CCDC66: variants seen among roughly 807,000 people sequenced by gnomAD.
CCDC66 encodes the protein coiled-coil domain-containing protein 66.
A neutral mutation model predicts 128.3 loss-of-function variants in CCDC66; 133 were observed. The observed-to-expected ratio is 1.04, with a 90% confidence interval of 0.90 to 1.20. The LOEUF (loss-of-function observed/expected upper bound fraction) is 1.20. CCDC66 is among the 50% of genes most tolerant of loss of function. The pLI, the probability that CCDC66 is intolerant of heterozygous loss-of-function variation, is 0.00. For missense variants in CCDC66, 1,126 were observed against 1,075.5 expected, an observed-to-expected ratio of 1.05 and a Z score of -0.66; for synonymous variants, 387 against 357.0, an observed-to-expected ratio of 1.08 and a Z score of -0.95.
At position 56,619,479 on chromosome 3, in the gene CCDC66, C is replaced by T. The variant is rs1164936809; in HGVS notation, c.2587C>T (p.Pro863Ser). ...GATCTATTACCTTGATCCCGATGCA[C>T]CATTGTCTGGGCCTTCAACCCAGGA... Reference protein sequence around the residue: ...NEIYYLDPDAPLSGPSTQDPQ... With the variant: ...NEIYYLDPDASLSGPSTQDPQ... The change falls in exon 16 of 18, where the codon CCA (proline) becomes TCA (serine). Residue 863 changes from proline (P) to serine (S), a missense_variant. Coordinates refer to ENST00000394672, the MANE Select transcript of CCDC66 (RefSeq NM_001141947.3). 3.1e-6 allele frequency: 5 copies of T among 1,614,040 alleles called. No homozygotes were observed. The South Asian group carries it at 3.3e-5, about 11-fold the overall frequency.
In CCDC66 at chr3:56,617,542, A is replaced by G. The variant is rs777067907; in HGVS notation, c.2274A>G (p.Pro758=). The change falls in exon 14 of 18, where the codon CCA becomes CCG. Residue 758 remains proline, a synonymous_variant. Coordinates refer to ENST00000394672, the MANE Select transcript of CCDC66 (RefSeq NM_001141947.3). ...GHLSQNRGIS[P]EIFHSSHQET... ...TCTCTCAAAACAGAGGCATTTCACC[A>G]GAAATTTTTCATTCATCTCATCAAG... 1.8e-5 allele frequency: 29 copies of G among 1,610,144 alleles called. No individual in the cohort carries two copies. In the South Asian group the frequency reaches 2.1e-4, roughly 12 times the overall value.
chr3:56,592,849 C>T (rs757308177), intron 7 of CCDC66, 121 bp from the exon 8 acceptor site: 11 of 927,376 alleles, frequency 1.2e-5, no homozygotes, highest in Non-Finnish European at 1.8e-5. Context: ...AGTTATTGCT[C>T]CTCTTACAGA....
In CCDC66 at chr3:56,577,163, G is replaced by A. The variant is rs148746764; in HGVS notation, c.936+5861G>A. 4.5e-3 allele frequency among the ~76,000 whole-genome samples: 687 copies of A among 151,920 alleles called. 4 individuals are homozygous for A. The highest frequency in any genetic ancestry group is 3.7e-3 in the Non-Finnish European group (251 of 68,010). On this transcript the variant is annotated intron_variant, in intron 7 of 17. Transcript: ENST00000394672. ...TTGTGGTTTTGATTTGCATTTCTCTGATGGCCAGTGATGATGAGCATTTTT... is the reference window on the plus strand; with the variant it reads ...TTGTGGTTTTGATTTGCATTTCTCTAATGGCCAGTGATGATGAGCATTTTT...
rs771523631 is a variant in CCDC66 at position 56,617,325 on chromosome 3, G to C, written c.2057G>C (p.Arg686Thr). 18 of 1,612,394 alleles carry C rather than the reference G, an allele frequency of 1.1e-5. No individual in the cohort carries two copies. The highest frequency in any genetic ancestry group is 1.4e-5 in the Non-Finnish European group (16 of 1,179,690). ...AATGACCAGTGTAATCAGTTCACAA[G>C]AATAGAGAAACAAACAAAACACATG... is the stretch of plus-strand genomic sequence containing the variant. ...RCNDQCNQFT[R>T]IEKQTKHMKK... Residue 686 changes from arginine to threonine, a missense_variant, in exon 14 of 18, where the codon AGA becomes ACA. Arg to Thr is a moderately conservative substitution (Grantham distance 71, BLOSUM62 -1). Transcript: ENST00000394672.
chr3:56,595,491 A>C (rs572270574), intron 10 of CCDC66, among the ~76,000 whole-genome samples: 1 of 152,314 alleles, frequency 6.6e-6, no homozygotes, highest in East Asian at 1.9e-4. Context: ...GAGTGGGAAC[A>C]TGTGATGTTT....
rs1046934008 is a variant in CCDC66 at position 56,619,418 on chromosome 3, A to G, written c.2526A>G (p.Glu842=). The change falls in exon 16 of 18, where the codon GAA becomes GAG. Residue 842 remains glutamate (E), a synonymous_variant. Coordinates refer to ENST00000394672, the MANE Select transcript of CCDC66 (RefSeq NM_001141947.3). ...CAGAATTATCATCTGGGATTTCTGAATCATCCCATTTTATTCCGTATGTTC... is the reference window on the plus strand; with the variant it reads ...CAGAATTATCATCTGGGATTTCTGAGTCATCCCATTTTATTCCGTATGTTC... ...NQTELSSGIS[E]SSHFIPYVRT... The G allele has an allele frequency of 6.2e-7, 1 of 1,614,030 alleles. No individual in the cohort carries two copies. Among genetic ancestry groups the G allele is most frequent in the Non-Finnish European group, 8.5e-7 (1 of 1,179,934 alleles).
At chr3:56,593,383 C>G in intron 8 of CCDC66, 108 bp from the exon 9 acceptor site, 1 of 1,217,236 alleles carries the variant, frequency 8.2e-7, no homozygotes, top group Non-Finnish European at 1.2e-6. Context: ...TTTTATGATG[C>G]TTATTCTGCT....
intron 3 of CCDC66, chr3:56,561,019 A>T (rs1338499862): frequency 2.2e-6 from 1 of 449,358 alleles, no homozygotes; most frequent in African/African-American, 2.0e-5. Context: ...ATAGGTGAAG[A>T]TGATCAGAAC....
intron 7 of CCDC66, among the ~76,000 whole-genome samples, chr3:56,590,437 G>A (rs1559690095): frequency 2.6e-5 from 4 of 152,154 alleles, no homozygotes; most frequent in Non-Finnish European, 5.9e-5. Flanking sequence ...AACTATTTTA[G>A]GGGAAGGTTG....
intron 11 of CCDC66, 36 bp from the exon 12 acceptor site, chr3:56,615,092 T>C: frequency 1.9e-6 from 3 of 1,599,912 alleles, no homozygotes; most frequent in Non-Finnish European, 2.6e-6. Flanking sequence ...TTTGTATGTT[T>C]AATAGATGAA....
At chr3:56,562,731 TG>T (rs2065256909) in intron 3 of CCDC66, among the ~76,000 whole-genome samples, 1 of 152,004 alleles carries the variant, frequency 6.6e-6, no homozygotes, top group African/African-American at 2.4e-5. Flanking sequence ...CTCTGCCTTC[TG>T]GGTTCAAGCG....
At chr3:56,599,658 G>C (rs1268899791) in intron 10 of CCDC66, among the ~76,000 whole-genome samples, 4 of 151,922 alleles carry the variant, frequency 2.6e-5, no homozygotes, top group Non-Finnish European at 2.9e-5. Context: ...TCAGAAGCAT[G>C]TGGTTTAATT....
chr3:56,560,625 C>T (rs1453597717), intron 3 of CCDC66, among the ~76,000 whole-genome samples: 1 of 152,118 alleles, frequency 6.6e-6, no homozygotes, highest in African/African-American at 2.4e-5. Context: ...GAGGCTGAGG[C>T]AGAAGAATCA....
chr3:56,588,241 G>C (rs960206634), intron 7 of CCDC66, among the ~76,000 whole-genome samples: 2 of 152,250 alleles, frequency 1.3e-5, no homozygotes, highest in African/African-American at 4.8e-5. Flanking sequence ...TCATAAGTGG[G>C]AGCTAAGCTA....
At chr3:56,598,257 A>G (rs919781879) in intron 10 of CCDC66, among the ~76,000 whole-genome samples, 1 of 151,964 alleles carries the variant, frequency 6.6e-6, no homozygotes, top group Non-Finnish European at 1.5e-5. Flanking sequence ...TTCTGGGTTC[A>G]AGCAATTCCC....
intron 6 of CCDC66, chr3:56,569,241 G>A (rs1309314594): frequency 5.4e-6 from 1 of 186,394 alleles, no homozygotes; most frequent in East Asian, 1.5e-4. Flanking sequence ...AAGTGTGTTA[G>A]TCTGTTTTGT....
rs775917446 is a variant in CCDC66, at chr3:56,613,755, G to A, written c.1566+5G>A. ...CTTAAGCAAAAACAAAAGGAAGTAG[G>A]TACTTACATTCTAATTGTAACTTTG... is the stretch of plus-strand genomic sequence containing the variant. On this transcript the variant is annotated splice_donor_5th_base_variant and intron_variant, in intron 11 of 17. Coordinates refer to ENST00000394672, the MANE Select transcript of CCDC66 (RefSeq NM_001141947.3). 5.6e-5 allele frequency: 90 copies of A among 1,599,860 alleles called. 1 individual carries two copies. In the South Asian group the frequency reaches 9.0e-4, roughly 16 times the overall value.
intron 1 of CCDC66, among the ~76,000 whole-genome samples, chr3:56,558,340 A>G (rs2064646638): frequency 6.6e-6 from 1 of 152,184 alleles, no homozygotes; most frequent in Non-Finnish European, 1.5e-5. Flanking sequence ...ATAAAGCACC[A>G]TACTAAATAT....
Position 56,593,002 on chromosome 3 carries a change from T to G in CCDC66, c.969T>G (p.Ala323=). The G allele has an allele frequency of 1.2e-6, 2 of 1,611,580 alleles. No individual in the cohort carries two copies. The highest frequency in any genetic ancestry group is 1.7e-6 in the Non-Finnish European group (2 of 1,179,282). ...ETVLLEHPFS[A]VKQELQRKWI... Reference sequence around the variant, plus strand: ...TACTGCTGGAGCACCCTTTCAGTGCTGTGAAACAAGAACTGCAAAGAAAAT... The same window carrying G: ...TACTGCTGGAGCACCCTTTCAGTGCGGTGAAACAAGAACTGCAAAGAAAAT... Residue 323 remains alanine, a synonymous_variant, in exon 8 of 18, where the codon GCT becomes GCG. Coordinates refer to ENST00000394672, the MANE Select transcript of CCDC66 (RefSeq NM_001141947.3).
Sources: allele counts gnomAD v4.1 joint callset (sites outside exome capture counted in the v4.1 genomes callset), GRCh38; gene constraint gnomAD v4.1.1; transcripts MANE v1.5; gene names NCBI Gene and HGNC (gene_info 2026-07-23, HGNC 2026-07-21).